KSR2: variants seen among roughly 807,000 people sequenced by gnomAD.
KSR2 encodes the protein kinase suppressor of ras 2.
A neutral mutation model predicts 107.8 loss-of-function variants in KSR2; 25 were observed. The observed-to-expected ratio is 0.23, with a 90% confidence interval of 0.17 to 0.32. The LOEUF (loss-of-function observed/expected upper bound fraction) is 0.32. Ranked by LOEUF, KSR2 falls within the 10% of genes least tolerant of loss-of-function variation. The pLI is 1.00. For synonymous variants in KSR2, 480 were observed against 507.0 expected, an observed-to-expected ratio of 0.95 and a Z score of 0.71; for missense variants, 887 against 1,268.9, an observed-to-expected ratio of 0.70 and a Z score of 4.57.
chr12:117,896,577 A>G (rs1894518711), intron 1 of KSR2, among the ~76,000 whole-genome samples: 1 of 151,038 alleles, frequency 6.6e-6, no homozygotes, highest in Non-Finnish European at 1.5e-5. Context: ...CTCCTGCCTC[A>G]GCCTCCCAAG....
At chr12:117,761,592 A>G (rs1471165419) in intron 3 of KSR2, 68 bp from the exon 4 acceptor site, 4 of 1,423,554 alleles carry the variant, frequency 2.8e-6, no homozygotes, top group Non-Finnish European at 3.9e-6. Flanking sequence ...TACACCATAC[A>G]CACCATTACA....
intron 7 of KSR2, among the ~76,000 whole-genome samples, chr12:117,571,289 G>A (rs1461136591): frequency 6.6e-6 from 1 of 152,072 alleles, no homozygotes; most frequent in Non-Finnish European, 1.5e-5. Context: ...ATTCCATTGT[G>A]GAGGAAGCAA....
chr12:117,767,010 G>A lies in KSR2; in HGVS notation c.473-5486C>T, dbSNP rs186004886. On this transcript the variant is annotated intron_variant, in intron 3 of 19. Transcript: ENST00000339824. ...AGCGATTCTCCTGCCTCAGCCTCTC[G>A]AGTAGTTGGGACTACAGTGGCCTCG... Among the ~76,000 whole-genome samples, 513 of 151,860 alleles carry A rather than the reference G, an allele frequency of 3.4e-3. 2 individuals carry two copies. Among genetic ancestry groups the A allele is most frequent in the African/African-American group, 0.012 (493 of 41,452 alleles).
intron 9 of KSR2, among the ~76,000 whole-genome samples, chr12:117,541,885 T>G (rs1876518000): frequency 6.6e-6 from 1 of 151,958 alleles, no homozygotes; most frequent in African/African-American, 2.4e-5. Context: ...TTATTTTTAT[T>G]TATTTATTTT....
intron 3 of KSR2, among the ~76,000 whole-genome samples, chr12:117,813,394 G>A (rs563200612): frequency 2.0e-5 from 3 of 152,108 alleles, no homozygotes; most frequent in East Asian, 1.9e-4. Context: ...TATCTTACAC[G>A]GGACTAATAA....
intron 3 of KSR2, among the ~76,000 whole-genome samples, chr12:117,797,957 T>C (rs1295831396): frequency 3.3e-5 from 5 of 152,116 alleles, no homozygotes; most frequent in Admixed American, 2.6e-4. Context: ...AGCCTGTCGC[T>C]TTGATATTTT....
chr12:117,630,359 A>ATGTGTGTGTG (rs58496440), intron 5 of KSR2, among the ~76,000 whole-genome samples: 5 of 150,906 alleles, frequency 3.3e-5, no homozygotes, highest in Non-Finnish European at 5.9e-5. Context: ...AAGGAAGAAA[A>ATGTGTGTGTG]TGTGTGTGTG....
At position 117,968,762 on chromosome 12, in the gene KSR2, T is replaced by TC; in HGVS notation, c.-508dup. 6.4e-6 allele frequency: 1 copy of TC among 156,026 alleles called. No individual in the cohort carries two copies. Among genetic ancestry groups the TC allele is most frequent in the Non-Finnish European group, 1.4e-5 (1 of 70,240 alleles). The allele number at this position is 156,026 out of a possible 1,614,324, so 9.7% of individuals were successfully genotyped here. On this transcript the variant is annotated 5_prime_UTR_variant, in exon 1 of 20. An upstream open reading frame in the 5' UTR loses its in-frame stop. Coordinates refer to ENST00000339824, the MANE Select transcript of KSR2 (RefSeq NM_173598.6). ...TTTTATGTCAAAAAAAATCTGGTTT[T>TC]CCCCCCTCCCAGTTGCAGGGACACG...
intron 4 of KSR2, among the ~76,000 whole-genome samples, chr12:117,686,802 TAAAC>T (rs1885590034): frequency 6.6e-6 from 1 of 152,040 alleles, no homozygotes; most frequent in African/African-American, 2.4e-5. Flanking sequence ...TGGGAAAAAA[TAAAC>T]AGAGAGTGAA....
At chr12:117,636,673 G>A (rs985160436) in intron 5 of KSR2, among the ~76,000 whole-genome samples, 2 of 152,180 alleles carry the variant, frequency 1.3e-5, no homozygotes, top group Admixed American at 6.5e-5. Flanking sequence ...TTGATTAAGA[G>A]CTTAAATGTG....
chr12:117,884,359 G>A (rs1894112734), intron 1 of KSR2, among the ~76,000 whole-genome samples: 1 of 152,204 alleles, frequency 6.6e-6, no homozygotes. Context: ...TCAGCACAAT[G>A]TTCTCTGTGA....
chr12:117,681,140 C>T (rs932933498), intron 4 of KSR2, among the ~76,000 whole-genome samples: 60 of 152,056 alleles, frequency 3.9e-4, no homozygotes, highest in Non-Finnish European at 7.6e-4. Context: ...CATGGTAGTG[C>T]GCACCTGTAG....
At chr12:117,482,211 C>T (rs963312388) in intron 16 of KSR2, among the ~76,000 whole-genome samples, 5 of 151,832 alleles carry the variant, frequency 3.3e-5, no homozygotes, top group African/African-American at 1.2e-4. Context: ...ATGAGAGAGA[C>T]CCCATCAGCC....
rs1028336652 is a variant in KSR2, at chr12:117,521,377, C to G, written c.2219+3475G>C. Among the ~76,000 whole-genome samples the G allele has an allele frequency of 5.3e-5, 8 of 152,298 alleles. No individual in the cohort carries two copies. In the South Asian group the frequency reaches 8.3e-4, roughly 16 times the overall value. On this transcript the variant is annotated intron_variant, in intron 14 of 19. Coordinates refer to ENST00000339824, the MANE Select transcript of KSR2 (RefSeq NM_173598.6). ...GAAGGAGAAACTAAGGCTTGTGAAA[C>G]CCTAGGTAGCAAGGTAGACGGGTGA...
intron 7 of KSR2, among the ~76,000 whole-genome samples, chr12:117,577,574 T>A (rs1309080871): frequency 6.6e-6 from 1 of 151,922 alleles, no homozygotes; most frequent in Non-Finnish European, 1.5e-5. Context: ...GAAAAACAGG[T>A]TTAATGGACT....
At chr12:117,541,007 A>G (rs900840682) in intron 9 of KSR2, among the ~76,000 whole-genome samples, 3 of 152,220 alleles carry the variant, frequency 2.0e-5, no homozygotes, top group African/African-American at 4.8e-5. Flanking sequence ...CAACCTTTCC[A>G]TTCCTCGGTT....
intron 1 of KSR2, among the ~76,000 whole-genome samples, chr12:117,923,033 T>C (rs1008394085): frequency 6.6e-6 from 1 of 152,190 alleles, no homozygotes; most frequent in South Asian, 2.1e-4. Context: ...TTGTACTTTT[T>C]TGGTGACTTC....
chr12:117,498,934 C>T (rs910323899), intron 14 of KSR2, among the ~76,000 whole-genome samples: 1 of 152,186 alleles, frequency 6.6e-6, no homozygotes, highest in Non-Finnish European at 1.5e-5. Context: ...GGTATGCCTT[C>T]ATCAGCAGTG....
Position 117,855,522 on chromosome 12 carries a change from C to G in KSR2, c.378G>C (p.Gln126His). The G allele has an allele frequency of 6.2e-7, 1 of 1,614,046 alleles. No homozygotes were observed. Among genetic ancestry groups the G allele is most frequent in the Non-Finnish European group, 8.5e-7 (1 of 1,179,896 alleles). ...LEDLLEMTDE[Q>H]VCETVEKYGA... is the part of the protein sequence containing the mutation. ...CGTATTTCTCCACAGTCTCGCACAC[C>G]TGTTCATCCGTCATCTCCAAGAGGT... Residue 126 changes from glutamine (Q) to histidine (H), a missense_variant, in exon 3 of 20, where the codon CAG becomes CAC. Around this residue, in one of 8 missense-constraint regions of KSR2, gnomAD observed 399 missense variants for 479.5 expected, o/e 0.83. Coordinates refer to ENST00000339824, the MANE Select transcript of KSR2 (RefSeq NM_173598.6).
Sources: gnomAD v4.1 joint callset for allele counts (sites outside exome capture counted in the v4.1 genomes callset) on GRCh38, gnomAD v4.1.1 for gene constraint, gnomAD v4.1.1 regional missense constraint, MANE v1.5 for transcripts, NCBI Gene and HGNC (gene_info 2026-07-23, HGNC 2026-07-21) for gene names.